PROS1: variants seen among roughly 807,000 people sequenced by gnomAD.
PROS1 encodes the protein vitamin K-dependent protein S.
PROS1 carries 29 observed loss-of-function variants against 75.9 expected under a neutral mutation model. That is an observed-to-expected ratio of 0.38 (90% CI 0.28 to 0.52). The LOEUF (loss-of-function observed/expected upper bound fraction) is 0.52, where lower values mean the gene tolerates loss of function less well. PROS1 is among the 20% of genes least tolerant of loss of function. The probability of loss-of-function intolerance (pLI) is 0.83; values close to 1 mark genes in which losing one functional copy is unlikely to be tolerated. For missense variants in PROS1, 680 were observed against 810.3 expected (o/e 0.84, Z 1.95); for synonymous variants, 245 against 280.6 (o/e 0.87, Z 1.27).
intron 3 of PROS1, among the ~76,000 whole-genome samples, chr3:93,913,958 T>G (rs1229948346): frequency 6.6e-6 from 1 of 152,226 alleles, no homozygotes; most frequent in Non-Finnish European, 1.5e-5. Context: ...CAAAACCCAT[T>G]AAGAAAAACA....
chr3:93,946,263 T>A (rs1709396077), intron 1 of PROS1, among the ~76,000 whole-genome samples: 1 of 152,176 alleles, frequency 6.6e-6, no homozygotes, highest in Non-Finnish European at 1.5e-5. Context: ...GCCATCCCCA[T>A]CAAGCTACCA....
intron 1 of PROS1, among the ~76,000 whole-genome samples, chr3:93,938,765 G>A (rs1709230588): frequency 6.6e-6 from 1 of 152,148 alleles, no homozygotes; most frequent in Non-Finnish European, 1.5e-5. Context: ...GACTTGGGAA[G>A]ACAGCCTTCC....
chr3:93,925,813 AC>A (rs1362471477), intron 2 of PROS1, among the ~76,000 whole-genome samples: 2 of 130,206 alleles, frequency 1.5e-5, no homozygotes, highest in Non-Finnish European at 3.3e-5. Context: ...ACAGAGCAAG[AC>A]CCTGTCTAAA....
chr3:93,938,627 CCCTTCAATCTCCCTCTCTCGCTAT>C (rs1460681464), intron 1 of PROS1, among the ~76,000 whole-genome samples: 1 of 152,206 alleles, frequency 6.6e-6, no homozygotes, highest in African/African-American at 2.4e-5. Flanking sequence ...TCTCTTGCTA[CCCTTCAATCTCCCTCTCTCGCTAT>C]CCTTCAATCT....
At chr3:93,946,960 C>T (rs538906120) in intron 1 of PROS1, among the ~76,000 whole-genome samples, 33 of 151,714 alleles carry the variant, frequency 2.2e-4, no homozygotes, top group Non-Finnish European at 3.5e-4. Flanking sequence ...AGAACTTAAG[C>T]AAATTTACAA....
rs758262158 is a variant in PROS1, at chr3:93,892,990, T to C, written c.1098A>G (p.Glu366=). ...GGKIEVQLKN[E]HTSKITTGGD... ...CTCCAGTTGTGATTTTGGATGTATG[T>C]TCATTCTTAAGCTGAACTTCAATCT... Residue 366 remains glutamate, a synonymous_variant, in exon 10 of 15, where the codon GAA becomes GAG. Transcript: ENST00000394236. 3 of 1,613,290 alleles carry C rather than the reference T, an allele frequency of 1.9e-6. No individual in the cohort carries two copies. The highest frequency in any genetic ancestry group is 2.2e-5 in the East Asian group (1 of 44,848).
chr3:93,943,209 T>C (rs1213961676), intron 1 of PROS1, among the ~76,000 whole-genome samples: 2 of 152,100 alleles, frequency 1.3e-5, no homozygotes, highest in Non-Finnish European at 2.9e-5. Flanking sequence ...AATGATCTTT[T>C]AAAAGCACAC....
At chr3:93,950,688 C>A (rs1014221857) in intron 1 of PROS1, among the ~76,000 whole-genome samples, 8 of 152,196 alleles carry the variant, frequency 5.3e-5, no homozygotes, top group African/African-American at 1.7e-4. Flanking sequence ...CTGTACATCA[C>A]CATCATTAAA....
intron 1 of PROS1, among the ~76,000 whole-genome samples, chr3:93,948,324 AAGTATG>A (rs1362627035): frequency 6.6e-6 from 1 of 152,178 alleles, no homozygotes; most frequent in East Asian, 1.9e-4. Context: ...TTGAGAACTA[AAGTATG>A]ATTGAAATAA....
chr3:93,932,806 C>T (rs530756809), intron 1 of PROS1, among the ~76,000 whole-genome samples: 3 of 152,166 alleles, frequency 2.0e-5, no homozygotes, highest in East Asian at 1.9e-4. Context: ...ACTCCCTCTG[C>T]TAATGCCACC....
chr3:93,946,338 G>T (rs568065676), intron 1 of PROS1, among the ~76,000 whole-genome samples: 2 of 152,088 alleles, frequency 1.3e-5, no homozygotes, highest in African/African-American at 4.8e-5. Flanking sequence ...AAAAGAGCCC[G>T]CATTGCCAAG....
At chr3:93,924,336 A>G (rs1708986415) in intron 2 of PROS1, 72 bp from the exon 3 acceptor site, 3 of 931,892 alleles carry the variant, frequency 3.2e-6, no homozygotes, top group Non-Finnish European at 2.9e-6. Context: ...TTAATTTTAT[A>G]ATGTGTTTTT....
intron 4 of PROS1, among the ~76,000 whole-genome samples, chr3:93,907,949 T>A (rs1708701686): frequency 1.3e-5 from 2 of 152,000 alleles, no homozygotes; most frequent in African/African-American, 4.8e-5. Context: ...GCAGATCACT[T>A]GAGGCCTAGG....
At chr3:93,965,806 T>G (rs1265762153) in intron 1 of PROS1, among the ~76,000 whole-genome samples, 1 of 152,180 alleles carries the variant, frequency 6.6e-6, no homozygotes, top group African/African-American at 2.4e-5. Flanking sequence ...GCGATTCTCC[T>G]GCCTCAGCCT....
At chr3:93,911,143 A>G in intron 3 of PROS1, 1 of 190,604 alleles carries the variant, frequency 5.2e-6, no homozygotes, top group South Asian at 1.0e-4. Context: ...GGCTACTTCC[A>G]ATTCTTCTCA....
intron 3 of PROS1, among the ~76,000 whole-genome samples, chr3:93,921,531 A>T (rs1708943535): frequency 6.6e-6 from 1 of 152,168 alleles, no homozygotes. Flanking sequence ...TAGGAAGAAG[A>T]GGGCTTTGGC....
At chr3:93,965,148 C>A (rs1259043761) in intron 1 of PROS1, among the ~76,000 whole-genome samples, 1 of 152,218 alleles carries the variant, frequency 6.6e-6, no homozygotes, top group East Asian at 1.9e-4. Context: ...GCAATGGCAA[C>A]CCCCTTTGGG....
chr3:93,933,171 G>A (rs1195402716), intron 1 of PROS1, among the ~76,000 whole-genome samples: 1 of 152,154 alleles, frequency 6.6e-6, no homozygotes, highest in Non-Finnish European at 1.5e-5. Context: ...TGTTGGATGA[G>A]GTGAAGGAAA....
At chr3:93,893,577 A>G (rs1303245757) in intron 9 of PROS1, among the ~76,000 whole-genome samples, 1 of 152,084 alleles carries the variant, frequency 6.6e-6, no homozygotes, top group Non-Finnish European at 1.5e-5. Context: ...TCCATAAGTG[A>G]TCATAAAATG....
Sources: gnomAD v4.1 joint callset for allele counts (sites outside exome capture counted in the v4.1 genomes callset) on GRCh38, gnomAD v4.1.1 for gene constraint, MANE v1.5 for transcripts, NCBI Gene and HGNC (gene_info 2026-07-23, HGNC 2026-07-21) for gene names.